The following BMPR2 variants were observed in gnomAD, a reference collection of about 807,000 sequenced individuals.
BMPR2 encodes the protein bone morphogenetic protein receptor type 2, also known as bone morphogenetic protein receptor type-2.
BMPR2 carries 29 observed loss-of-function variants against 100.8 expected under a neutral mutation model. The observed-to-expected ratio is 0.29, with a 90% CI of 0.21 to 0.39. BMPR2 has a LOEUF of 0.39. Ranked by LOEUF, BMPR2 falls within the 10% of genes least tolerant of loss-of-function variation. BMPR2 has a pLI of 1.00. For missense variants in BMPR2, 1,011 were observed against 1,274.5 expected (o/e 0.79, Z 3.15); for synonymous variants, 382 against 442.3 (o/e 0.86, Z 1.71).
In BMPR2 at chr2:202,562,400, T is replaced by C. The variant is rs1688690638; in HGVS notation, c.*2454T>C. The C allele has an allele frequency of 6.6e-6, 1 of 152,642 alleles. No homozygotes were observed. The highest frequency in any genetic ancestry group is 1.5e-5 in the Non-Finnish European group (1 of 68,022). The allele number at this position is 152,642 out of a possible 1,614,324, so 9.5% of individuals were successfully genotyped here. A position where few individuals can be genotyped will look rare whatever the true frequency, so the allele number is the denominator to read the frequency against. On this transcript the variant is annotated 3_prime_UTR_variant, in exon 13 of 13. Transcript: ENST00000374580. The stretch of plus-strand genomic sequence containing the variant: ...ATAATTTCCTTTCACCAGTTTTTCT[T>C]AGTAAACTCCTGAAAAAGTAGGAAA...
intron 9 of BMPR2, among the ~76,000 whole-genome samples, chr2:202,536,066 AAG>A (rs1491302694): frequency 2.0e-5 from 3 of 151,922 alleles, no homozygotes; most frequent in Non-Finnish European, 4.4e-5. Context: ...AGACCGTGGA[AAG>A]AGAGGGAGAG....
intron 3 of BMPR2, chr2:202,474,840 C>T (rs1281262726): frequency 2.0e-5 from 3 of 151,832 alleles, no homozygotes; most frequent in South Asian, 2.1e-4. Context: ...CTTATTATTC[C>T]TATAGTTTTG....
chr2:202,441,363 T>C (rs902571269), intron 1 of BMPR2, among the ~76,000 whole-genome samples: 5 of 150,524 alleles, frequency 3.3e-5, no homozygotes, highest in Non-Finnish European at 7.3e-5. Flanking sequence ...AATATCTTTT[T>C]TGAAATTCTA....
intron 1 of BMPR2, among the ~76,000 whole-genome samples, chr2:202,391,574 G>T (rs905326878): frequency 2.7e-5 from 4 of 150,324 alleles, no homozygotes; most frequent in Non-Finnish European, 5.9e-5. Context: ...TTATAGGCAT[G>T]CACCAACACA....
intron 3 of BMPR2, among the ~76,000 whole-genome samples, chr2:202,473,599 G>T (rs1692478871): frequency 6.6e-6 from 1 of 151,902 alleles, no homozygotes; most frequent in Non-Finnish European, 1.5e-5. Context: ...GAGACATCCT[G>T]GCCAACATGG....
At chr2:202,423,324 G>T (rs1172698950) in intron 1 of BMPR2, among the ~76,000 whole-genome samples, 1 of 152,202 alleles carries the variant, frequency 6.6e-6, no homozygotes, top group African/African-American at 2.4e-5. Flanking sequence ...ATGATTTCTT[G>T]CCAGGCTGAC....
At chr2:202,454,360 T>G (rs549727358) in intron 1 of BMPR2, among the ~76,000 whole-genome samples, 10 of 152,178 alleles carry the variant, frequency 6.6e-5, no homozygotes, top group Non-Finnish European at 1.2e-4. Flanking sequence ...GGTGAGCCAC[T>G]GCACCCAGCC....
intron 1 of BMPR2, among the ~76,000 whole-genome samples, chr2:202,450,691 C>CA (rs761806972): frequency 0.04 from 1,604 of 40,310 alleles, 31 homozygotes; most frequent in African/African-American, 0.061. Flanking sequence ...AACTCCATCT[C>CA]AAAAAAAAAA....
At chr2:202,518,127 CTTTTTTTTTTT>C (rs35869694) in intron 5 of BMPR2, among the ~76,000 whole-genome samples, 4 of 77,018 alleles carry the variant, frequency 5.2e-5, no homozygotes, top group Admixed American at 1.6e-4. Context: ...CGCCTGGCCT[CTTTTTTTTTTT>C]TTTTTTTTTT....
chr2:202,512,165 A>G (rs1303542330), intron 3 of BMPR2, among the ~76,000 whole-genome samples: 1 of 152,248 alleles, frequency 6.6e-6, no homozygotes, highest in African/African-American at 2.4e-5. Flanking sequence ...TGATTGAGAC[A>G]AATAAATTCA....
In BMPR2 at chr2:202,559,837, A is replaced by G; in HGVS notation, c.3008A>G (p.Asn1003Ser). 1 of 1,614,136 alleles carries G rather than the reference A, an allele frequency of 6.2e-7. No individual in the cohort carries two copies. The highest frequency in any genetic ancestry group is 8.5e-7 in the Non-Finnish European group (1 of 1,180,026). The stretch of plus-strand genomic sequence containing the variant: ...TCGCTGGACTGTGAAGTCAACAATA[A>G]TGGCAGTAACAGGGCAGTTCATTCC... ...TESLDCEVNN[N>S]GSNRAVHSKS... The change falls in exon 13 of 13, where the codon AAT (asparagine) becomes AGT (serine). Residue 1003 changes from asparagine to serine, a missense_variant. Asn to Ser is a conservative substitution (Grantham distance 46, BLOSUM62 1). Around this residue, in one of 6 missense-constraint regions of BMPR2, gnomAD observed 58 missense variants for 72.3 expected, o/e 0.80. Transcript: ENST00000374580.
chr2:202,494,921 A>G (rs900803733), intron 3 of BMPR2, among the ~76,000 whole-genome samples: 3 of 152,192 alleles, frequency 2.0e-5, no homozygotes, highest in Admixed American at 1.3e-4. Context: ...TGAAATGGGA[A>G]AAGTTCCCTT....
At chr2:202,420,825 G>C (rs1691248199) in intron 1 of BMPR2, among the ~76,000 whole-genome samples, 1 of 151,768 alleles carries the variant, frequency 6.6e-6, no homozygotes. Context: ...GGAATTACAG[G>C]CATGAGCCAC....
At chr2:202,529,263 A>T (rs1687972038) in intron 7 of BMPR2, among the ~76,000 whole-genome samples, 1 of 152,194 alleles carries the variant, frequency 6.6e-6, no homozygotes. Flanking sequence ...CATATAACTA[A>T]TATCTTGTTG....
At chr2:202,544,507 C>T (rs1688338009) in intron 10 of BMPR2, among the ~76,000 whole-genome samples, 1 of 152,148 alleles carries the variant, frequency 6.6e-6, no homozygotes, top group Non-Finnish European at 1.5e-5. Context: ...AGGCCCTAGT[C>T]TCCAGTCTAA....
intron 3 of BMPR2, among the ~76,000 whole-genome samples, chr2:202,476,362 C>T (rs141060822): frequency 5.3e-4 from 80 of 152,176 alleles, no homozygotes; most frequent in African/African-American, 1.8e-3. Context: ...AAACTAATTA[C>T]CCATCTAATA....
intron 1 of BMPR2, among the ~76,000 whole-genome samples, chr2:202,403,880 C>T (rs1690823165): frequency 6.6e-6 from 1 of 151,872 alleles, no homozygotes; most frequent in South Asian, 2.1e-4. Flanking sequence ...TGGCACATGC[C>T]TGTAATCCCA....
chr2:202,477,104 G>A (rs551727667), intron 3 of BMPR2, among the ~76,000 whole-genome samples: 1 of 152,292 alleles, frequency 6.6e-6, no homozygotes, highest in Admixed American at 6.5e-5. Flanking sequence ...ATAACCTTGA[G>A]CAGATTATTT....
chr2:202,415,133 A>C (rs1383177207), intron 1 of BMPR2, among the ~76,000 whole-genome samples: 1 of 152,170 alleles, frequency 6.6e-6, no homozygotes, highest in East Asian at 1.9e-4. Flanking sequence ...TGTAGATGAC[A>C]CATTTTTATG....
Sources: gnomAD v4.1 joint callset for allele counts (sites outside exome capture counted in the v4.1 genomes callset) on GRCh38, gnomAD v4.1.1 for gene constraint, gnomAD v4.1.1 regional missense constraint, MANE v1.5 for transcripts, NCBI Gene and HGNC (gene_info 2026-07-23, HGNC 2026-07-21) for gene names.